The following RASGRF2 variants were observed in gnomAD, a reference collection of about 807,000 sequenced individuals.
RASGRF2 encodes the protein Ras protein specific guanine nucleotide releasing factor 2, also known as ras-specific guanine nucleotide-releasing factor 2.
Under a neutral mutation model 151.0 loss-of-function variants are expected in RASGRF2, and 76 were observed. That is an observed-to-expected ratio of 0.50 (90% confidence interval 0.42 to 0.61). The LOEUF is 0.61. RASGRF2 is among the 20% of genes least tolerant of loss of function. The pLI, the probability that RASGRF2 is intolerant of heterozygous loss-of-function variation, is 0.00. For missense variants in RASGRF2, 1,148 were observed against 1,564.6 expected (o/e 0.73, Z 4.49); for synonymous variants, 504 against 566.5 (o/e 0.89, Z 1.57).
intron 2 of RASGRF2, among the ~76,000 whole-genome samples, chr5:81,059,760 C>T (rs563554448): frequency 6.6e-6 from 1 of 151,944 alleles, no homozygotes; most frequent in Non-Finnish European, 1.5e-5. Flanking sequence ...CAGAGAATTG[C>T]TTGAACCCAG....
chr5:81,202,433 C>G (rs990373622), intron 19 of RASGRF2, among the ~76,000 whole-genome samples: 2 of 152,176 alleles, frequency 1.3e-5, no homozygotes, highest in Non-Finnish European at 2.9e-5. Flanking sequence ...CATGTTTTTG[C>G]AAGTCCTTCC....
intron 18 of RASGRF2, among the ~76,000 whole-genome samples, chr5:81,194,350 C>CT (rs1228793425): frequency 6.6e-6 from 1 of 151,446 alleles, no homozygotes; most frequent in Non-Finnish European, 1.5e-5. Context: ...GAGTGAGACT[C>CT]TGTCTCAAAA....
At chr5:81,143,758 T>G (rs1412514017) in intron 17 of RASGRF2, among the ~76,000 whole-genome samples, 1 of 151,764 alleles carries the variant, frequency 6.6e-6, no homozygotes, top group Non-Finnish European at 1.5e-5. Flanking sequence ...GACGTGGTGG[T>G]GCACACCTGT....
intron 1 of RASGRF2, among the ~76,000 whole-genome samples, chr5:81,033,959 T>A (rs1750369391): frequency 6.6e-6 from 1 of 151,770 alleles, no homozygotes; most frequent in Admixed American, 6.6e-5. Context: ...CAAGAAAAAA[T>A]CAAACAACCC....
At chr5:81,210,809 C>T (rs1755613358) in intron 22 of RASGRF2, among the ~76,000 whole-genome samples, 1 of 152,076 alleles carries the variant, frequency 6.6e-6, no homozygotes, top group African/African-American at 2.4e-5. Flanking sequence ...TTACACCATC[C>T]CTCCCACCTC....
chr5:81,000,312 G>C (rs1244318905), intron 1 of RASGRF2, among the ~76,000 whole-genome samples: 1 of 152,188 alleles, frequency 6.6e-6, no homozygotes, highest in Non-Finnish European at 1.5e-5. Context: ...TGCGATCTTG[G>C]CTCACTTCAA....
intron 2 of RASGRF2, among the ~76,000 whole-genome samples, chr5:81,057,062 C>G (rs530650730): frequency 6.6e-6 from 1 of 152,286 alleles, no homozygotes; most frequent in South Asian, 2.1e-4. Context: ...CCGCAGCACA[C>G]TGATGCGTGT....
At chr5:81,079,906 C>G (rs560466284) in intron 5 of RASGRF2, among the ~76,000 whole-genome samples, 14 of 152,242 alleles carry the variant, frequency 9.2e-5, no homozygotes, top group Admixed American at 7.8e-4. Context: ...TTGGTGCTTT[C>G]TGTCCTCTAA....
At position 81,006,542 on chromosome 5, in the gene RASGRF2, A is replaced by C. The variant is rs769134468; in HGVS notation, c.289-36335A>C. ...AGAATCTAATAGTTCCATACCCCAG[A>C]GCAGCTAACCCACTTCTTCCTCCTG... is the stretch of plus-strand genomic sequence containing the variant. On this transcript the variant is annotated intron_variant, in intron 1 of 26. Transcript: ENST00000265080. Among the ~76,000 whole-genome samples, 169 of 152,318 alleles carry C rather than the reference A, an allele frequency of 1.1e-3. 2 individuals carry two copies. Among genetic ancestry groups the C allele is most frequent in the Non-Finnish European group, 2.9e-4 (20 of 68,022 alleles).
intron 19 of RASGRF2, among the ~76,000 whole-genome samples, chr5:81,202,288 C>G (rs775298561): frequency 1.2e-4 from 19 of 152,214 alleles, no homozygotes; most frequent in Non-Finnish European, 2.1e-4. Context: ...TTACCACTCT[C>G]ATTTCTAGTT....
At chr5:81,207,585 G>T (rs1755538791) in intron 21 of RASGRF2, among the ~76,000 whole-genome samples, 1 of 152,212 alleles carries the variant, frequency 6.6e-6, no homozygotes, top group African/African-American at 2.4e-5. Flanking sequence ...GTCAACCTGA[G>T]TATCAGAGTA....
intron 9 of RASGRF2, among the ~76,000 whole-genome samples, chr5:81,090,126 C>T (rs76221958): frequency 1.1e-4 from 17 of 152,266 alleles, no homozygotes; most frequent in South Asian, 6.2e-4. Flanking sequence ...CTAAGTCATG[C>T]GCTTTCAATG....
intron 18 of RASGRF2, among the ~76,000 whole-genome samples, chr5:81,192,118 A>G (rs1482363307): frequency 1.3e-5 from 2 of 152,140 alleles, no homozygotes; most frequent in East Asian, 1.9e-4. Flanking sequence ...TTATGCATTC[A>G]TTCTACAAAC....
At chr5:81,159,358 G>A (rs1457541519) in intron 17 of RASGRF2, among the ~76,000 whole-genome samples, 3 of 152,238 alleles carry the variant, frequency 2.0e-5, no homozygotes, top group Middle Eastern at 3.2e-3. Context: ...GACAGTATAT[G>A]AATGCATAGC....
At chr5:81,119,249 C>T (rs918747979) in intron 15 of RASGRF2, among the ~76,000 whole-genome samples, 2 of 152,188 alleles carry the variant, frequency 1.3e-5, no homozygotes, top group African/African-American at 2.4e-5. Context: ...TTTTGTGCTA[C>T]CTGAGACTAG....
At chr5:81,068,616 C>T (rs6893306) in intron 3 of RASGRF2, among the ~76,000 whole-genome samples, 1,990 of 152,212 alleles carry the variant, frequency 0.013, 50 homozygotes, top group African/African-American at 0.044. Context: ...GGAGTCCAAC[C>T]TTCTCCCCTC....
chr5:81,101,724 TA>T (rs1752704039), intron 12 of RASGRF2, among the ~76,000 whole-genome samples: 1 of 152,202 alleles, frequency 6.6e-6, no homozygotes, highest in African/African-American at 2.4e-5. Context: ...AAGACATTTT[TA>T]TATAATTTAA....
intron 18 of RASGRF2, among the ~76,000 whole-genome samples, chr5:81,189,711 CTT>C (rs369630375): frequency 3.3e-5 from 4 of 120,820 alleles, no homozygotes; most frequent in Admixed American, 8.8e-5. Flanking sequence ...GGCCTATATA[CTT>C]TTTTTTTTTT....
intron 1 of RASGRF2, among the ~76,000 whole-genome samples, chr5:80,983,414 T>C (rs373483645): frequency 7.5e-4 from 114 of 152,340 alleles, no homozygotes; most frequent in African/African-American, 2.7e-3. Flanking sequence ...CTGGTGAAAC[T>C]GATGGCAGCA....
Sources: allele counts gnomAD v4.1 joint callset (sites outside exome capture counted in the v4.1 genomes callset), GRCh38; gene constraint gnomAD v4.1.1; transcripts MANE v1.5; gene names NCBI Gene and HGNC (gene_info 2026-07-23, HGNC 2026-07-21).